Variants in APOBEC3F observed in about 807,000 individuals in gnomAD.
APOBEC3F encodes apolipoprotein B mRNA editing enzyme catalytic subunit 3F, also known as DNA dC->dU-editing enzyme APOBEC-3F.
A neutral mutation model predicts 45.8 loss-of-function variants in APOBEC3F; 34 were observed. The ratio of observed to expected loss-of-function variants is 0.74; its 90% CI spans 0.57 to 0.99. The LOEUF is 0.99. Ranked by LOEUF, APOBEC3F falls within the 50% of genes least tolerant of loss-of-function variation. The probability of loss-of-function intolerance (pLI) is 0.00; values close to 1 mark genes in which losing one functional copy is unlikely to be tolerated. For missense variants in APOBEC3F, 459 were observed against 474.1 expected, an observed-to-expected ratio of 0.97 and a Z score of 0.30; for synonymous variants, 192 against 174.4, an observed-to-expected ratio of 1.10 and a Z score of -0.80.
chr22:39,044,268 G>A, intron 2 of APOBEC3F: 1 of 1,563,710 alleles, frequency 6.4e-7, no homozygotes, highest in Non-Finnish European at 8.7e-7. Flanking sequence ...GGATGCCTGG[G>A]AGAATGGATG....
rs1927669444 is a variant in APOBEC3F, at chr22:39,055,804, G to A, written c.*3109G>A. 6.6e-6 allele frequency among the ~76,000 whole-genome samples: 1 copy of A among 151,866 alleles called. No homozygotes were observed. The highest frequency in any genetic ancestry group is 1.5e-5 in the Non-Finnish European group (1 of 67,994). ...CTAGCCCCCACCACTGATGCATGTAGCCCCCCAGTCACGTAGCCCACGCTT... is the reference window on the plus strand; with the variant it reads ...CTAGCCCCCACCACTGATGCATGTAACCCCCCAGTCACGTAGCCCACGCTT... On this transcript the variant is annotated 3_prime_UTR_variant, in exon 7 of 7. Transcript: ENST00000308521.
Position 39,045,190 on chromosome 22 carries a change from G to A in APOBEC3F, c.421G>A (p.Gly141Arg). 6 of 1,614,176 alleles carry A rather than the reference G, an allele frequency of 3.7e-6. No homozygotes were observed. Among genetic ancestry groups the A allele is most frequent in the Non-Finnish European group, 5.1e-6 (6 of 1,180,018 alleles). The change falls in exon 3 of 7, where the codon GGG becomes AGG. Residue 141 changes from glycine (G) to arginine (R), a missense_variant. Transcript: ENST00000308521. ...RRALCRLSQA[G>R]ARVKIMDDEE... is the part of the protein sequence containing the mutation. ...GGCGCTCTGCAGGCTGAGTCAGGCA[G>A]GGGCCCGCGTGAAGATTATGGACGA...
chr22:39,041,858 G>A (rs1312012366), intron 1 of APOBEC3F, among the ~76,000 whole-genome samples: 1 of 151,432 alleles, frequency 6.6e-6, no homozygotes, highest in Non-Finnish European at 1.5e-5. Context: ...GCCAAATTTC[G>A]TCTCAAAAGA....
chr22:39,044,130 C>T (rs761215753), intron 2 of APOBEC3F: 3 of 1,567,848 alleles, frequency 1.9e-6, no homozygotes, highest in Non-Finnish European at 2.6e-6. Flanking sequence ...TCAGTAGCCC[C>T]TTTGGCCAGT....
rs566315206 is a variant in APOBEC3F, at chr22:39,040,873, A to T, written c.-88A>T. 3.1e-5 allele frequency: 48 copies of T among 1,550,442 alleles called. No individual in the cohort carries two copies. The East Asian group carries it at 1.0e-3, about 32-fold the overall frequency. On this transcript the variant is annotated 5_prime_UTR_variant, in exon 1 of 7. Coordinates refer to ENST00000308521, the MANE Select transcript of APOBEC3F (RefSeq NM_145298.6). Reference sequence around the variant, plus strand: ...GAGGCCCTGGGAGGTCACTTTAGGGAGGGCTGTCCTGAAACCTGGAGCCTG... The same window carrying T: ...GAGGCCCTGGGAGGTCACTTTAGGGTGGGCTGTCCTGAAACCTGGAGCCTG...
intron 5 of APOBEC3F, 80 bp from the exon 6 acceptor site, chr22:39,051,994 C>A (rs1036846120): frequency 8.6e-5 from 135 of 1,574,220 alleles, no homozygotes; most frequent in Non-Finnish European, 1.0e-4. Context: ...CAGGCCCGCC[C>A]TCTGCTCCCA....
In APOBEC3F at chr22:39,049,421, T is replaced by G; in HGVS notation, c.567-4T>G. The G allele has an allele frequency of 9.9e-6, 16 of 1,613,848 alleles. No individual in the cohort carries two copies. Among genetic ancestry groups the G allele is most frequent in the Non-Finnish European group, 1.4e-5 (16 of 1,179,854 alleles). ...GCATTGGGGTTTCTCTATTGTGCCTTCAGAAACCCGATGGAGGCAATGTAT... is the reference window on the plus strand; with the variant it reads ...GCATTGGGGTTTCTCTATTGTGCCTGCAGAAACCCGATGGAGGCAATGTAT... On this transcript the variant is annotated splice_polypyrimidine_tract_variant and splice_region_variant and intron_variant, in intron 4 of 6. Transcript: ENST00000308521.
chr22:39,045,282 C>T, intron 3 of APOBEC3F, 62 bp downstream of exon 3: 1 of 1,594,284 alleles, frequency 6.3e-7, no homozygotes, highest in Non-Finnish European at 8.6e-7. Flanking sequence ...ATGGATGGAT[C>T]TGCAATGCCA....
chr22:39,046,863 T>G (rs1351942044), intron 4 of APOBEC3F, among the ~76,000 whole-genome samples: 1 of 151,922 alleles, frequency 6.6e-6, no homozygotes, highest in Non-Finnish European at 1.5e-5. Context: ...TAGGCTTGGA[T>G]AATGGGAGGC....
chr22:39,046,637 A>G (rs1398090712), intron 4 of APOBEC3F, among the ~76,000 whole-genome samples: 1 of 146,748 alleles, frequency 6.8e-6, no homozygotes, highest in African/African-American at 2.5e-5. Flanking sequence ...TTTTTTTTTG[A>G]GACACTGTCT....
chr22:39,044,290 G>A (rs538951911), intron 2 of APOBEC3F: 24 of 1,537,400 alleles, frequency 1.6e-5, no homozygotes, highest in Middle Eastern at 2.1e-4. Context: ...CAGAATTCAC[G>A]CATGAGGCTC....
In APOBEC3F at chr22:39,052,470, G is replaced by T. The variant is rs1352647486; in HGVS notation, c.1004-107G>T. 8 of 1,571,416 alleles carry T rather than the reference G, an allele frequency of 5.1e-6. No homozygotes were observed. In the East Asian group the frequency reaches 1.8e-4, roughly 35 times the overall value. ...CGGGAAGCCTGCAGGGATGGCGCCA[G>T]TGTCCACTGCAACTGGCAGTCAGGA... On this transcript the variant is annotated intron_variant, in intron 6 of 6. Coordinates refer to ENST00000308521, the MANE Select transcript of APOBEC3F (RefSeq NM_145298.6).
chr22:39,050,837 A>T (rs1054960712), intron 5 of APOBEC3F, among the ~76,000 whole-genome samples: 1 of 152,116 alleles, frequency 6.6e-6, no homozygotes, highest in Non-Finnish European at 1.5e-5. Flanking sequence ...ACCCCATAGG[A>T]CCAGGCCACA....
In APOBEC3F at chr22:39,052,736, C is replaced by T; in HGVS notation, c.*41C>T. 2 of 1,588,256 alleles carry T rather than the reference C, an allele frequency of 1.3e-6. No homozygotes were observed. The highest frequency in any genetic ancestry group is 8.6e-7 in the Non-Finnish European group (1 of 1,168,424). On this transcript the variant is annotated 3_prime_UTR_variant, in exon 7 of 7. Transcript: ENST00000308521. The stretch of plus-strand genomic sequence containing the variant: ...CTCATGGTCTGTCTCCTCTAGCCTC[C>T]TGCTCATGTTGTGCAGGCCTCCCCT...
In APOBEC3F at chr22:39,045,461, G is replaced by T. The variant is rs542530067; in HGVS notation, c.485G>T (p.Ser162Ile). The change falls in exon 4 of 7, where the codon AGT (serine) becomes ATT (isoleucine). Residue 162 changes from serine (S) to isoleucine (I), a missense_variant. Coordinates refer to ENST00000308521, the MANE Select transcript of APOBEC3F (RefSeq NM_145298.6). ...FAYCWENFVY[S>I]EGQPFMPWYK... ...TACTGCTGGGAAAACTTTGTGTACA[G>T]TGAAGGTCAGCCATTCATGCCTTGG... 1 of 1,614,134 alleles carries T rather than the reference G, an allele frequency of 6.2e-7. No individual in the cohort carries two copies. Among genetic ancestry groups the T allele is most frequent in the South Asian group, 1.1e-5 (1 of 91,080 alleles).
At chr22:39,045,663 C>T in intron 4 of APOBEC3F, 121 bp downstream of exon 4, 7 of 1,524,110 alleles carry the variant, frequency 4.6e-6, no homozygotes, top group Admixed American at 1.8e-5. Flanking sequence ...CTCATGGTTA[C>T]ACCCCTCACC....
chr22:39,052,384 T>C (rs545978793), intron 6 of APOBEC3F, 31 bp downstream of exon 6: 1 of 1,610,304 alleles, frequency 6.2e-7, no homozygotes, highest in African/African-American at 1.3e-5. Flanking sequence ...GGAGAGTGGG[T>C]GCGGGAGGGA....
intron 5 of APOBEC3F, among the ~76,000 whole-genome samples, chr22:39,050,033 G>A (rs1927409744): frequency 6.6e-6 from 1 of 151,674 alleles, no homozygotes; most frequent in Non-Finnish European, 1.5e-5. Flanking sequence ...CCGTGGCCCA[G>A]ATCTTCCTCC....
intron 4 of APOBEC3F, among the ~76,000 whole-genome samples, chr22:39,046,069 G>C (rs1322561471): frequency 6.6e-6 from 1 of 152,170 alleles, no homozygotes; most frequent in African/African-American, 2.4e-5. Flanking sequence ...GTGGAGGGGT[G>C]GGCGGGGTTG....
Sources: allele counts gnomAD v4.1 joint callset (sites outside exome capture counted in the v4.1 genomes callset), GRCh38; gene constraint gnomAD v4.1.1; transcripts MANE v1.5; gene names NCBI Gene and HGNC (gene_info 2026-07-23, HGNC 2026-07-21).